GUCY2F: variants seen among roughly 807,000 people sequenced by gnomAD.
GUCY2F encodes the protein guanylate cyclase 2F, retinal, also known as retinal guanylyl cyclase 2.
Under a neutral mutation model 73.1 loss-of-function variants are expected in GUCY2F, and 61 were observed. The observed-to-expected ratio is 0.83, with a 90% CI of 0.68 to 1.03. The LOEUF (loss-of-function observed/expected upper bound fraction) is 1.03, where lower values mean the gene tolerates loss of function less well. GUCY2F is among the 50% of genes least tolerant of loss of function. The probability of loss-of-function intolerance (pLI) is 0.00; values close to 1 mark genes in which losing one functional copy is unlikely to be tolerated. For missense variants in GUCY2F, 912 were observed against 854.3 expected, an observed-to-expected ratio of 1.07 and a Z score of -0.84; for synonymous variants, 331 against 307.8, an observed-to-expected ratio of 1.08 and a Z score of -0.79.
chrX:109,442,566 T>C (rs1178434776), intron 6 of GUCY2F, among the ~76,000 whole-genome samples: 4 of 111,750 alleles, frequency 3.6e-5, no homozygotes, highest in Non-Finnish European at 7.5e-5. Context: ...CTCTACCCCT[T>C]AATAGTCTTT....
chrX:109,447,291 T>C (rs1932035588), intron 6 of GUCY2F, among the ~76,000 whole-genome samples: 1 of 110,894 alleles, frequency 9.0e-6, no homozygotes, highest in African/African-American at 3.3e-5. Flanking sequence ...ACCCAAAGGA[T>C]TATAAATCAT....
chrX:109,473,206 A>G (rs941044145), intron 2 of GUCY2F, among the ~76,000 whole-genome samples: 1 of 110,489 alleles, frequency 9.1e-6, no homozygotes, highest in Non-Finnish European at 1.9e-5. Context: ...TCCCTCCTCC[A>G]CTTCCTGTTG....
chrX:109,378,023 A>C (rs1270633624), intron 17 of GUCY2F, among the ~76,000 whole-genome samples: 1 of 111,561 alleles, frequency 9.0e-6, no homozygotes, highest in Non-Finnish European at 1.9e-5. Context: ...AAAGAGAGAA[A>C]ACAAGTATGG....
intron 8 of GUCY2F, among the ~76,000 whole-genome samples, chrX:109,420,882 T>G (rs1360635945): frequency 8.9e-6 from 1 of 112,059 alleles, no homozygotes; most frequent in East Asian, 2.8e-4. Flanking sequence ...GAGAACAGTT[T>G]GGATGTTTCA....
At chrX:109,462,797 T>C (rs1932387934) in intron 3 of GUCY2F, among the ~76,000 whole-genome samples, 1 of 112,223 alleles carries the variant, frequency 8.9e-6, no homozygotes, top group Non-Finnish European at 1.9e-5. Context: ...ATTGTATCTA[T>C]GTGATGCCAT....
At chrX:109,392,710 G>T (rs1447616295) in intron 13 of GUCY2F, among the ~76,000 whole-genome samples, 182 bp downstream of exon 13, 1 of 112,019 alleles carries the variant, frequency 8.9e-6, no homozygotes, top group African/African-American at 3.2e-5. Flanking sequence ...TGTGTGCTCT[G>T]CTCCCTTGGT....
intron 8 of GUCY2F, among the ~76,000 whole-genome samples, chrX:109,414,740 G>A (rs1056104064): frequency 8.9e-6 from 1 of 111,939 alleles, no homozygotes; most frequent in African/African-American, 3.2e-5. Flanking sequence ...AGTAAGAATT[G>A]ATCTGGGAGT....
intron 3 of GUCY2F, among the ~76,000 whole-genome samples, chrX:109,464,040 A>T (rs927292662): frequency 3.5e-5 from 4 of 112,823 alleles, no homozygotes. Flanking sequence ...AAGCAATATG[A>T]CTAATGCAGT....
chrX:109,388,048 G>C, intron 15 of GUCY2F, among the ~76,000 whole-genome samples: 1 of 110,889 alleles, frequency 9.0e-6, no homozygotes, highest in South Asian at 3.9e-4. Context: ...GGGGTGAAAA[G>C]GATGGGGGAA....
chrX:109,459,866 T>A (rs1187533256), intron 3 of GUCY2F, among the ~76,000 whole-genome samples: 1 of 110,117 alleles, frequency 9.1e-6, no homozygotes, highest in Non-Finnish European at 1.9e-5. Flanking sequence ...CAACATGAAA[T>A]AAAAACATGA....
chrX:109,448,643 C>A (rs747138200), intron 5 of GUCY2F, among the ~76,000 whole-genome samples: 7 of 112,453 alleles, frequency 6.2e-5, no homozygotes, highest in Non-Finnish European at 9.4e-5. Flanking sequence ...GGCATGAGAT[C>A]TCCTAGCCTG....
rs978794239 is a variant in GUCY2F at position 109,375,792 on chromosome X, C to A, written c.*1+106G>T. 1.2e-5 allele frequency: 7 copies of A among 589,969 alleles called. No homozygotes were observed. The African/African-American group carries it at 1.5e-4, about 13-fold the overall frequency. 48.6% of individuals were successfully genotyped at this position (589,969 alleles called of 1,213,427 possible). Reference sequence around the variant, plus strand: ...GCTTGGAAATTCTCCAGCTCCATCACACTATGCCAACAGAGTATAGGCTGA... The same window carrying A: ...GCTTGGAAATTCTCCAGCTCCATCAAACTATGCCAACAGAGTATAGGCTGA... On this transcript the variant is annotated intron_variant, in intron 19 of 19. Coordinates refer to ENST00000218006, the MANE Select transcript of GUCY2F (RefSeq NM_001522.3).
intron 7 of GUCY2F, among the ~76,000 whole-genome samples, chrX:109,431,304 C>T (rs1192273423): frequency 2.7e-5 from 3 of 112,037 alleles, no homozygotes; most frequent in Non-Finnish European, 1.9e-5. Context: ...GCTTTCACAT[C>T]CATTACCTAC....
intron 8 of GUCY2F, among the ~76,000 whole-genome samples, chrX:109,428,516 G>A (rs1931537231): frequency 8.9e-6 from 1 of 111,888 alleles, no homozygotes; most frequent in Non-Finnish European, 1.9e-5. Flanking sequence ...CTGAGAAACC[G>A]TTACAGATTA....
intron 2 of GUCY2F, among the ~76,000 whole-genome samples, chrX:109,471,300 G>C (rs1251962196): frequency 6.2e-5 from 7 of 112,312 alleles, no homozygotes; most frequent in Non-Finnish European, 9.4e-5. Context: ...GCACAGGGCT[G>C]ATCAGCAAGA....
At chrX:109,438,210 T>C (rs755422652) in intron 7 of GUCY2F, among the ~76,000 whole-genome samples, 93 of 112,355 alleles carry the variant, frequency 8.3e-4, no homozygotes, top group Non-Finnish European at 1.5e-3. Context: ...GTGAGGTCTG[T>C]TGTCTGCTTT....
At position 109,465,323 on chromosome X, in the gene GUCY2F, A is replaced by G. The variant is rs12008095; in HGVS notation, c.851T>C (p.Leu284Pro). The G allele has an allele frequency of 0.34, 415,068 of 1,204,775 alleles. 52,899 individuals carry two copies. The highest frequency in any genetic ancestry group is 0.38 in the Non-Finnish European group (339,949 of 891,071). ...GTGCTTATAAGGTAAACTGTAGAGC[A>G]GGGCATCATAAGGAACAAAGACGTA... is the stretch of plus-strand genomic sequence containing the variant. ...GTYVFVPYDA[L>P]LYSLPYKHTP... Residue 284 changes from leucine (L) to proline (P), a missense_variant, in exon 3 of 20, where the codon CTG becomes CCG. Leu to Pro is a moderately conservative substitution (Grantham distance 98). Transcript: ENST00000218006.
intron 8 of GUCY2F, among the ~76,000 whole-genome samples, chrX:109,410,836 G>A (rs1931091590): frequency 9.0e-6 from 1 of 111,403 alleles, no homozygotes; most frequent in Non-Finnish European, 1.9e-5. Flanking sequence ...ATGACATGAT[G>A]AGAGGGGTTG....
intron 8 of GUCY2F, among the ~76,000 whole-genome samples, chrX:109,422,720 T>G (rs920452013): frequency 8.9e-6 from 1 of 111,843 alleles, no homozygotes; most frequent in East Asian, 2.8e-4. Flanking sequence ...GAGTTAAGTG[T>G]ATACTATTCT....
Sources: allele counts gnomAD v4.1 joint callset (sites outside exome capture counted in the v4.1 genomes callset), GRCh38; gene constraint gnomAD v4.1.1; transcripts MANE v1.5; gene names NCBI Gene and HGNC (gene_info 2026-07-23, HGNC 2026-07-21).